The following CSMD1 variants were observed in gnomAD, a reference collection of about 807,000 sequenced individuals.
CSMD1 encodes the protein CUB and sushi domain-containing protein 1.
A neutral mutation model predicts 417.5 loss-of-function variants in CSMD1; 213 were observed. The observed-to-expected ratio is 0.51, with a 90% CI of 0.46 to 0.57. The LOEUF is 0.57. Ranked by LOEUF, CSMD1 falls within the 20% of genes least tolerant of loss-of-function variation. CSMD1 has a pLI of 0.00. For synonymous variants in CSMD1, 2,862 were observed against 1,736.8 expected (o/e 1.65, Z -16.11); for missense variants, 6,923 against 4,529.7 (o/e 1.53, Z -15.17).
intron 3 of CSMD1, among the ~76,000 whole-genome samples, chr8:4,130,420 C>T (rs1473660759): frequency 5.3e-5 from 8 of 152,192 alleles, no homozygotes; most frequent in South Asian, 2.1e-4. Flanking sequence ...TCTGCCTCAC[C>T]GTCATCCTCA....
chr8:3,511,656 G>A (rs1259607610), intron 10 of CSMD1, among the ~76,000 whole-genome samples: 2 of 149,582 alleles, frequency 1.3e-5, no homozygotes, highest in African/African-American at 5.1e-5. Flanking sequence ...TACTCAGGAG[G>A]CAAAGGCAGG....
At chr8:4,975,132 G>C (rs986104314) in intron 1 of CSMD1, among the ~76,000 whole-genome samples, 2 of 152,118 alleles carry the variant, frequency 1.3e-5, no homozygotes, top group Non-Finnish European at 2.9e-5. Flanking sequence ...GATAATCAAT[G>C]TGACCTAGTG....
intron 3 of CSMD1, among the ~76,000 whole-genome samples, chr8:4,105,171 C>A (rs2130891160): frequency 6.6e-6 from 1 of 152,252 alleles, no homozygotes; most frequent in South Asian, 2.1e-4. Flanking sequence ...GATATCCATT[C>A]CATGGATGCC....
At chr8:4,583,981 C>G (rs2617071) in intron 2 of CSMD1, among the ~76,000 whole-genome samples, 56,784 of 151,676 alleles carry the variant, frequency 0.37, 10,959 homozygotes, top group African/African-American at 0.46. Flanking sequence ...AACGAGACCA[C>G]AAGCCCACCG....
At chr8:4,672,998 A>G (rs192849463) in intron 1 of CSMD1, among the ~76,000 whole-genome samples, 13 of 152,282 alleles carry the variant, frequency 8.5e-5, no homozygotes, top group African/African-American at 2.2e-4. Context: ...ACACATATGC[A>G]TGCATACATG....
At chr8:4,084,369 T>C (rs1800309270) in intron 3 of CSMD1, among the ~76,000 whole-genome samples, 1 of 152,046 alleles carries the variant, frequency 6.6e-6, no homozygotes, top group African/African-American at 2.4e-5. Flanking sequence ...AAATGCAATC[T>C]AGAATTAGAA....
chr8:4,251,485 T>C (rs1803068347), intron 3 of CSMD1, among the ~76,000 whole-genome samples: 1 of 152,138 alleles, frequency 6.6e-6, no homozygotes, highest in Non-Finnish European at 1.5e-5. Flanking sequence ...GGAGCACATA[T>C]TAGAAGACAA....
At chr8:4,329,020 C>G (rs1311577789) in intron 3 of CSMD1, among the ~76,000 whole-genome samples, 3 of 152,288 alleles carry the variant, frequency 2.0e-5, no homozygotes, top group East Asian at 1.9e-4. Flanking sequence ...CTTCCAACAT[C>G]AATCTTCCTT....
At chr8:4,460,824 C>A (rs1356842245) in intron 2 of CSMD1, among the ~76,000 whole-genome samples, 1 of 152,104 alleles carries the variant, frequency 6.6e-6, no homozygotes, top group Admixed American at 6.5e-5. Context: ...AATGGCTTCA[C>A]TGGTGAATTC....
chr8:4,446,272 G>T (rs181327157), intron 2 of CSMD1, among the ~76,000 whole-genome samples: 3 of 152,312 alleles, frequency 2.0e-5, no homozygotes, highest in East Asian at 3.9e-4. Context: ...ACCCAGCTGG[G>T]AGTGGTGGCT....
At chr8:3,254,965 A>C (rs927977814) in intron 26 of CSMD1, among the ~76,000 whole-genome samples, 4 of 151,988 alleles carry the variant, frequency 2.6e-5, no homozygotes, top group African/African-American at 9.7e-5. Context: ...TAGAGTTTAC[A>C]GTTTTTCTGC....
intron 6 of CSMD1, among the ~76,000 whole-genome samples, chr8:3,717,128 C>G (rs1801884988): frequency 1.3e-5 from 2 of 152,170 alleles, no homozygotes; most frequent in South Asian, 4.1e-4. Flanking sequence ...ATAGCCCTGA[C>G]TTTAACCACA....
intron 3 of CSMD1, among the ~76,000 whole-genome samples, chr8:4,224,715 C>T (rs1004962783): frequency 6.6e-6 from 1 of 152,190 alleles, no homozygotes; most frequent in African/African-American, 2.4e-5. Context: ...AATATAGCTT[C>T]TTTTTTCCTC....
chr8:3,974,524 G>A (rs957404048), intron 5 of CSMD1, among the ~76,000 whole-genome samples: 1 of 151,946 alleles, frequency 6.6e-6, no homozygotes, highest in African/African-American at 2.4e-5. Flanking sequence ...ATCTTTCATA[G>A]TAGTTGTTTA....
intron 5 of CSMD1, among the ~76,000 whole-genome samples, chr8:3,892,993 C>G (rs528566500): frequency 6.6e-6 from 1 of 151,696 alleles, no homozygotes; most frequent in East Asian, 1.9e-4. Context: ...ACATAACAAT[C>G]ATGGTTCAGT....
intron 2 of CSMD1, among the ~76,000 whole-genome samples, chr8:4,633,196 G>A (rs1055577029): frequency 5.7e-4 from 42 of 73,580 alleles, no homozygotes; most frequent in African/African-American, 1.5e-3. Context: ...TTTACTATTA[G>A]GATCAAAAAC....
At chr8:4,024,249 G>C (rs915793140) in intron 4 of CSMD1, among the ~76,000 whole-genome samples, 3 of 152,104 alleles carry the variant, frequency 2.0e-5, no homozygotes, top group Admixed American at 6.5e-5. Flanking sequence ...CTCATATCAA[G>C]GTGTCAATTG....
chr8:4,794,818 A>G (rs983617664), intron 1 of CSMD1, among the ~76,000 whole-genome samples: 7 of 152,192 alleles, frequency 4.6e-5, no homozygotes, highest in African/African-American at 1.7e-4. Context: ...CAATGGTCCA[A>G]GTTACAATTT....
chr8:3,826,662 A>C (rs1279232294), intron 5 of CSMD1, among the ~76,000 whole-genome samples: 1 of 152,152 alleles, frequency 6.6e-6, no homozygotes, highest in African/African-American at 2.4e-5. Context: ...CAGCTCGGGC[A>C]TGGGTTTTGA....
Sources: allele counts gnomAD v4.1 joint callset (sites outside exome capture counted in the v4.1 genomes callset), GRCh38; gene constraint gnomAD v4.1.1; transcripts MANE v1.5; gene names NCBI Gene and HGNC (gene_info 2026-07-23, HGNC 2026-07-21).